Variants in CEP164 observed in about 807,000 individuals in gnomAD.
CEP164 encodes the protein centrosomal protein of 164 kDa.
CEP164 carries 162 observed loss-of-function variants against 182.7 expected under a neutral mutation model. The ratio of observed to expected loss-of-function variants is 0.89; its 90% CI spans 0.78 to 1.01. The LOEUF is 1.01. Ranked by LOEUF, CEP164 falls within the 50% of genes least tolerant of loss-of-function variation. The pLI, the probability that CEP164 is intolerant of heterozygous loss-of-function variation, is 0.00. For missense variants in CEP164, 1,735 were observed against 1,790.4 expected (o/e 0.97, Z 0.56); for synonymous variants, 661 against 690.0 (o/e 0.96, Z 0.66).
At position 117,397,208 on chromosome 11, in the gene CEP164, A is replaced by G. The variant is rs1398754973; in HGVS notation, c.3396A>G (p.Lys1132=). ...TGCGGAGGCGGCAGACAGCTCTGAA[A>G]GCTGCCCAGCAGCATTGGCGCCATG... ...RSMRRRQTAL[K]AAQQHWRHEL... is the part of the protein sequence containing the mutation. Residue 1132 remains lysine, a synonymous_variant, in exon 27 of 33, where the codon AAA becomes AAG. Transcript: ENST00000278935. 4.2e-5 allele frequency: 68 copies of G among 1,614,096 alleles called. No homozygotes were observed. The highest frequency in any genetic ancestry group is 5.5e-5 in the Non-Finnish European group (65 of 1,180,042).
chr11:117,344,225 T>G lies in CEP164; in HGVS notation c.142T>G (p.Trp48Gly). 6.2e-7 allele frequency: 1 copy of G among 1,613,640 alleles called. No individual in the cohort carries two copies. The highest frequency in any genetic ancestry group is 1.3e-5 in the African/African-American group (1 of 75,044). ...IDPIKEPELMWLAREGIVAPL... is the reference protein window; with the variant it reads ...IDPIKEPELMGLAREGIVAPL... ...TCCCATCAAGGAACCAGAACTGATG[T>G]GGCTGGCGCGAGAGGGCATCGTGGC... Residue 48 changes from tryptophan (W) to glycine (G), a missense_variant, in exon 4 of 33, where the codon TGG (tryptophan) becomes GGG (glycine). Physicochemically the swap from Trp to Gly is radical, Grantham distance 184 (BLOSUM62 -2). Transcript: ENST00000278935.
intron 5 of CEP164, among the ~76,000 whole-genome samples, chr11:117,357,995 G>A (rs541477964): frequency 6.6e-6 from 1 of 152,306 alleles, no homozygotes; most frequent in African/African-American, 2.4e-5. Flanking sequence ...CAGAGACCAT[G>A]GGGATCAATC....
At position 117,375,713 on chromosome 11, in the gene CEP164, C is replaced by T. The variant is rs535461023; in HGVS notation, c.1239C>T (p.Phe413=). The stretch of plus-strand genomic sequence containing the variant: ...TGCATCTCCACTGTCTCCAGGACTT[C>T]GGTTTTCGCAGCCGGATCTCGGAGC... ...SDPKSFHGLD[F]GFRSRISEHL... The change falls in exon 11 of 33, where the codon TTC becomes TTT. Residue 413 remains phenylalanine (F), a synonymous_variant. Coordinates refer to ENST00000278935, the MANE Select transcript of CEP164 (RefSeq NM_014956.5). The T allele has an allele frequency of 5.0e-5, 80 of 1,614,026 alleles. No homozygotes were observed. Among genetic ancestry groups the T allele is most frequent in the South Asian group, 4.9e-4 (45 of 91,046 alleles).
chr11:117,342,477 G>T (rs1255472026), intron 3 of CEP164, among the ~76,000 whole-genome samples: 1 of 151,686 alleles, frequency 6.6e-6, no homozygotes, highest in Non-Finnish European at 1.5e-5. Flanking sequence ...CTGTACGTGA[G>T]ATAGCTCTTT....
chr11:117,360,009 A>G (rs1391587874), intron 5 of CEP164, among the ~76,000 whole-genome samples: 3 of 152,148 alleles, frequency 2.0e-5, no homozygotes, highest in African/African-American at 7.2e-5. Flanking sequence ...GAGAACAGGG[A>G]AAAGAAGGGA....
chr11:117,405,001 C>T (rs1028710107), intron 27 of CEP164, among the ~76,000 whole-genome samples: 17 of 152,180 alleles, frequency 1.1e-4, no homozygotes, highest in Admixed American at 2.6e-4. Flanking sequence ...GCAGATGCCC[C>T]GCCCCCACCA....
Position 117,381,661 on chromosome 11 carries a change from T to G in CEP164, c.1410-40T>G, listed in dbSNP as rs1440205874. 5 of 1,581,766 alleles carry G rather than the reference T, an allele frequency of 3.2e-6. No individual in the cohort carries two copies. In the East Asian group the frequency reaches 9.1e-5, roughly 29 times the overall value. ...CCCAGTTCTCTTCCCGCTCTCCAAA[T>G]GGAGGGGCCTGACTCTGCTGCTCTG... On this transcript the variant is annotated intron_variant, in intron 12 of 32. Coordinates refer to ENST00000278935, the MANE Select transcript of CEP164 (RefSeq NM_014956.5).
chr11:117,330,632 A>G (rs1432854226), intron 1 of CEP164, among the ~76,000 whole-genome samples: 3 of 151,676 alleles, frequency 2.0e-5, no homozygotes. Flanking sequence ...CTGGGTGACA[A>G]GAATGATACT....
chr11:117,393,042 A>AG lies in CEP164; in HGVS notation c.2536dup (p.Glu846GlyfsTer3). The stretch of plus-strand genomic sequence containing the variant: ...TGCGAGAGAAGCGCCAGGAAGTGGA[A>AG]GGGGAGCATGAGAGGAGGTTGGACA... On this transcript the variant is annotated frameshift_variant, in exon 20 of 33. Transcript: ENST00000278935. LOFTEE classifies it high-confidence loss of function. 1.2e-6 allele frequency: 2 copies of AG among 1,613,684 alleles called. No homozygotes were observed. The highest frequency in any genetic ancestry group is 1.7e-6 in the Non-Finnish European group (2 of 1,179,842).
intron 27 of CEP164, among the ~76,000 whole-genome samples, chr11:117,399,143 A>G (rs192036985): frequency 1.0e-3 from 153 of 151,694 alleles, no homozygotes; most frequent in Admixed American, 3.2e-3. Flanking sequence ...CTAGCCCCCA[A>G]CCCTGACAGG....
intron 5 of CEP164, among the ~76,000 whole-genome samples, chr11:117,357,992 C>G (rs928771648): frequency 3.9e-5 from 6 of 152,172 alleles, no homozygotes; most frequent in Admixed American, 2.6e-4. Flanking sequence ...GATCAGAGAC[C>G]ATGGGGATCA....
At chr11:117,356,647 G>A (rs1371433824) in intron 5 of CEP164, 2 of 1,251,430 alleles carry the variant, frequency 1.6e-6, no homozygotes, top group Non-Finnish European at 2.1e-6. Flanking sequence ...TGGCCTAAAG[G>A]CCTAAACTTG....
At chr11:117,405,676 G>A (rs1030124055) in intron 27 of CEP164, among the ~76,000 whole-genome samples, 6 of 152,068 alleles carry the variant, frequency 3.9e-5, no homozygotes, top group African/African-American at 1.4e-4. Flanking sequence ...TTTATATTCT[G>A]TTTCTCTTTT....
intron 11 of CEP164, among the ~76,000 whole-genome samples, chr11:117,379,921 G>T (rs982662653): frequency 7.1e-6 from 1 of 141,292 alleles, no homozygotes; most frequent in African/African-American, 2.7e-5. Flanking sequence ...TTTAAAATGA[G>T]ATTTTTGTTC....
upstream of CEP164, among the ~76,000 whole-genome samples, chr11:117,323,269 A>T (rs899520864): frequency 6.7e-6 from 1 of 150,360 alleles, no homozygotes; most frequent in Non-Finnish European, 1.5e-5. Flanking sequence ...CTTTTCCTCA[A>T]TCTGGTAACC....
chr11:117,390,934 G>C, intron 16 of CEP164, 26 bp downstream of exon 16: 1 of 1,613,756 alleles, frequency 6.2e-7, no homozygotes. Flanking sequence ...CCTGTGAGCT[G>C]CCCAGCCCTG....
At chr11:117,395,799 C>T in intron 24 of CEP164, 77 bp downstream of exon 24, 1 of 1,495,508 alleles carries the variant, frequency 6.7e-7, no homozygotes, top group Non-Finnish European at 9.0e-7. Context: ...TGTGTCATGG[C>T]CCAGTTAATA....
At chr11:117,401,163 C>G (rs1326439517) in intron 27 of CEP164, among the ~76,000 whole-genome samples, 6 of 152,202 alleles carry the variant, frequency 3.9e-5, no homozygotes, top group Non-Finnish European at 8.8e-5. Flanking sequence ...TACGTTCCCT[C>G]AATACCTAGT....
At chr11:117,395,086 T>A in intron 22 of CEP164, 37 bp from the exon 23 acceptor site, 1 of 1,613,936 alleles carries the variant, frequency 6.2e-7, no homozygotes, top group Non-Finnish European at 8.5e-7. Flanking sequence ...ACCTGGGGTC[T>A]GCAGTCAGCC....
Sources: allele counts gnomAD v4.1 joint callset (sites outside exome capture counted in the v4.1 genomes callset), GRCh38; gene constraint gnomAD v4.1.1; transcripts MANE v1.5; gene names NCBI Gene and HGNC (gene_info 2026-07-23, HGNC 2026-07-21).